Variants in RBM20 observed in about 807,000 individuals in gnomAD.
RBM20 encodes the protein RNA-binding protein 20.
Under a neutral mutation model 110.1 loss-of-function variants are expected in RBM20, and 51 were observed. That is an observed-to-expected ratio of 0.46 (90% confidence interval 0.37 to 0.59). The LOEUF (loss-of-function observed/expected upper bound fraction) is 0.59, where lower values mean the gene tolerates loss of function less well. Among genes scored for constraint, RBM20 ranks in the 20% least tolerant of loss-of-function variants. The probability of loss-of-function intolerance (pLI) is 0.00; values close to 1 mark genes in which losing one functional copy is unlikely to be tolerated. For missense variants in RBM20, 1,512 were observed against 1,574.9 expected (o/e 0.96, Z 0.68); for synonymous variants, 589 against 618.2 (o/e 0.95, Z 0.70).
intron 13 of RBM20, among the ~76,000 whole-genome samples, chr10:110,832,396 T>C (rs1394125847): frequency 1.3e-5 from 2 of 152,326 alleles, no homozygotes; most frequent in East Asian, 3.9e-4. Flanking sequence ...ACCAGGGACA[T>C]GAATCAGACT....
intron 1 of RBM20, among the ~76,000 whole-genome samples, chr10:110,662,112 G>C (rs1862113601): frequency 6.6e-6 from 1 of 152,034 alleles, no homozygotes; most frequent in South Asian, 2.1e-4. Context: ...CAGTGGTGTT[G>C]GTGTGGATAG....
chr10:110,791,305 A>G (rs538963325), intron 5 of RBM20, among the ~76,000 whole-genome samples: 5 of 152,344 alleles, frequency 3.3e-5, no homozygotes, highest in East Asian at 1.9e-4. Flanking sequence ...TCTGTGCCAG[A>G]TAACATTAGA....
At chr10:110,681,499 G>A (rs1321229828) in intron 1 of RBM20, among the ~76,000 whole-genome samples, 3 of 152,210 alleles carry the variant, frequency 2.0e-5, no homozygotes, top group Non-Finnish European at 4.4e-5. Flanking sequence ...CTGGCTTGAA[G>A]TGTCAGTGAC....
At chr10:110,796,580 C>T (rs375415590) in intron 5 of RBM20, among the ~76,000 whole-genome samples, 2 of 152,060 alleles carry the variant, frequency 1.3e-5, no homozygotes, top group East Asian at 3.8e-4. Flanking sequence ...CCTGTTTATA[C>T]AAAAAATAAA....
At chr10:110,745,464 C>T (rs962645564) in intron 1 of RBM20, among the ~76,000 whole-genome samples, 2 of 152,218 alleles carry the variant, frequency 1.3e-5, no homozygotes, top group South Asian at 4.1e-4. Context: ...ATTGCTACTC[C>T]TGTCCCCACT....
chr10:110,726,562 G>C (rs958189391), intron 1 of RBM20, among the ~76,000 whole-genome samples: 1 of 152,116 alleles, frequency 6.6e-6, no homozygotes, highest in Non-Finnish European at 1.5e-5. Flanking sequence ...AAGCTACTCA[G>C]TGTCTTTGTC....
intron 1 of RBM20, among the ~76,000 whole-genome samples, chr10:110,648,754 T>C (rs1861904530): frequency 6.6e-6 from 1 of 152,210 alleles, no homozygotes; most frequent in African/African-American, 2.4e-5. Flanking sequence ...AATGATTCTT[T>C]TGCTTATCTA....
intron 1 of RBM20, among the ~76,000 whole-genome samples, chr10:110,715,133 A>G (rs1475232709): frequency 6.6e-6 from 1 of 152,152 alleles, no homozygotes; most frequent in African/African-American, 2.4e-5. Context: ...CTGTAATCCC[A>G]GCTACTTGGG....
rs1554895215 is a variant in RBM20 at position 110,747,296 on chromosome 10, T to TTG, written c.192-33505_192-33504insTG. Reference sequence around the variant, plus strand: ...GCATTGATTTTAAAAACTCTTTTTTTGGGGGGGGGGGTCATTCTGGCAGGG... The same window carrying TTG: ...GCATTGATTTTAAAAACTCTTTTTTTTGGGGGGGGGGGGTCATTCTGGCAGGG... On this transcript the variant is annotated intron_variant, in intron 1 of 13. Coordinates refer to ENST00000369519, the MANE Select transcript of RBM20 (RefSeq NM_001134363.3). Among the ~76,000 whole-genome samples the TTG allele has an allele frequency of 4.3e-3, 587 of 136,892 alleles. 2 individuals are homozygous for TTG. The highest frequency in any genetic ancestry group is 6.1e-3 in the Non-Finnish European group (379 of 62,506). 89.8% of individuals were successfully genotyped at this position (136,892 alleles called of 152,430 possible).
In RBM20 at chr10:110,812,861, C is replaced by A. The variant is rs377259044; in HGVS notation, c.2464C>A (p.Gln822Lys). ...GGCCCCTGAGGGCGCCAAGGCCAAG[C>A]AGAATGAGAAAAATAAAACCAAGAG... ...TRAPEGAKAKQNEKNKTKRTD... is the reference protein window; with the variant it reads ...TRAPEGAKAKKNEKNKTKRTD... The change falls in exon 9 of 14, where the codon CAG becomes AAG. Residue 822 changes from glutamine (Q) to lysine (K), a missense_variant. This residue lies in a region of RBM20 where 1,149 missense variants were observed against 1,169.4 expected (regional missense o/e 0.98). Coordinates refer to ENST00000369519, the MANE Select transcript of RBM20 (RefSeq NM_001134363.3). The A allele has an allele frequency of 8.1e-6, 12 of 1,490,216 alleles. No homozygotes were observed. The highest frequency in any genetic ancestry group is 9.8e-6 in the Non-Finnish European group (11 of 1,121,744). 92.3% of individuals were successfully genotyped at this position (1,490,216 alleles called of 1,614,324 possible). A position where few individuals can be genotyped will look rare whatever the true frequency, so the allele number is the denominator to read the frequency against.
chr10:110,780,810 G>C lies in RBM20; in HGVS notation c.201G>C (p.Lys67Asn). Reference sequence around the variant, plus strand: ...CTCTGTCTTCCCACAGTGCCGCCAAGCTCCTGGACAAGAACCCATTCTCGG... The same window carrying C: ...CTCTGTCTTCCCACAGTGCCGCCAACCTCCTGGACAAGAACCCATTCTCGG... Reference protein sequence around the residue: ...GLPQIIQNAAKLLDKNPFSVS... With the variant: ...GLPQIIQNAANLLDKNPFSVS... Residue 67 changes from lysine to asparagine, a missense_variant, in exon 2 of 14, where the codon AAG becomes AAC. Transcript: ENST00000369519. 6.6e-7 allele frequency: 1 copy of C among 1,519,512 alleles called. No homozygotes were observed. The highest frequency in any genetic ancestry group is 8.9e-7 in the Non-Finnish European group (1 of 1,128,822). 94.1% of individuals were successfully genotyped at this position (1,519,512 alleles called of 1,614,324 possible). A position where few individuals can be genotyped will look rare whatever the true frequency, so the allele number is the denominator to read the frequency against.
rs1428378085 is a variant in RBM20, at chr10:110,837,616, A to G, written c.*1638A>G. On this transcript the variant is annotated 3_prime_UTR_variant, in exon 14 of 14. Transcript: ENST00000369519. ...TATGGCATGTGAGAGCATACTGTAC[A>G]TTCTGTCCTCTGTACTAATGGAGGA... The G allele has an allele frequency of 6.6e-6, 1 of 152,138 alleles. No individual in the cohort carries two copies. The highest frequency in any genetic ancestry group is 1.5e-5 in the Non-Finnish European group (1 of 68,054). The allele number at this position is 152,138 out of a possible 1,614,324, so 9.4% of individuals were successfully genotyped here. A position where few individuals can be genotyped will look rare whatever the true frequency, so the allele number is the denominator to read the frequency against.
intron 1 of RBM20, among the ~76,000 whole-genome samples, chr10:110,653,838 G>A (rs1419458480): frequency 1.3e-5 from 2 of 152,204 alleles, no homozygotes; most frequent in East Asian, 1.9e-4. Flanking sequence ...TTACAGGCAT[G>A]AGCCACTGCA....
chr10:110,707,983 C>T (rs1288864350), intron 1 of RBM20, among the ~76,000 whole-genome samples: 1 of 152,152 alleles, frequency 6.6e-6, no homozygotes, highest in African/African-American at 2.4e-5. Flanking sequence ...TGTGTCAAGA[C>T]ACCACATGTA....
chr10:110,765,737 G>A (rs72823885), intron 1 of RBM20, among the ~76,000 whole-genome samples: 9,290 of 152,110 alleles, frequency 0.061, 399 homozygotes, highest in Middle Eastern at 0.15. Flanking sequence ...CTCATAAAAC[G>A]GCATGGACGG....
At chr10:110,800,983 G>A (rs1685317923) in intron 7 of RBM20, among the ~76,000 whole-genome samples, 1 of 152,084 alleles carries the variant, frequency 6.6e-6, no homozygotes, top group Non-Finnish European at 1.5e-5. Flanking sequence ...TGTCATCCTG[G>A]TATATATGCA....
intron 12 of RBM20, among the ~76,000 whole-genome samples, chr10:110,829,705 A>T (rs951728689): frequency 6.6e-6 from 1 of 152,090 alleles, no homozygotes; most frequent in Non-Finnish European, 1.5e-5. Context: ...AGGTGGGAGG[A>T]GGAAAGTGAA....
intron 8 of RBM20, among the ~76,000 whole-genome samples, chr10:110,811,318 C>T (rs1328703061): frequency 6.6e-6 from 1 of 152,228 alleles, no homozygotes; most frequent in Non-Finnish European, 1.5e-5. Flanking sequence ...TGAAAAAATG[C>T]CCATCCTTTT....
intron 5 of RBM20, among the ~76,000 whole-genome samples, chr10:110,795,550 A>T (rs1344624942): frequency 6.6e-6 from 1 of 152,212 alleles, no homozygotes; most frequent in South Asian, 2.1e-4. Context: ...TCATGGTAGA[A>T]TTACCCAAGT....
Sources: allele counts gnomAD v4.1 joint callset (sites outside exome capture counted in the v4.1 genomes callset), GRCh38; gene constraint gnomAD v4.1.1; regional missense constraint gnomAD v4.1.1; transcripts MANE v1.5; gene names NCBI Gene and HGNC (gene_info 2026-07-23, HGNC 2026-07-21).